PTPRN2: variants seen among roughly 807,000 people sequenced by gnomAD.
PTPRN2 encodes receptor-type tyrosine-protein phosphatase N2.
A neutral mutation model predicts 118.8 loss-of-function variants in PTPRN2; 74 were observed. The observed-to-expected ratio is 0.62, with a 90% CI of 0.52 to 0.76. The LOEUF (loss-of-function observed/expected upper bound fraction) is 0.76. Ranked by LOEUF, PTPRN2 falls within the 30% of genes least tolerant of loss-of-function variation. The pLI, the probability that PTPRN2 is intolerant of heterozygous loss-of-function variation, is 0.00. For synonymous variants in PTPRN2, 641 were observed against 608.0 expected, an observed-to-expected ratio of 1.05 and a Z score of -0.80; for missense variants, 1,481 against 1,394.4, an observed-to-expected ratio of 1.06 and a Z score of -0.99.
intron 10 of PTPRN2, among the ~76,000 whole-genome samples, chr7:158,105,441 G>A (rs1815606645): frequency 6.7e-6 from 1 of 148,392 alleles, no homozygotes; most frequent in African/African-American, 2.5e-5. Context: ...ACTCCACTGA[G>A]CTCCATCAAA....
intron 11 of PTPRN2, chr7:158,029,633 C>T (rs1175273230): frequency 6.6e-6 from 1 of 152,358 alleles, no homozygotes; most frequent in Non-Finnish European, 1.5e-5. Context: ...GGGCTGGAGG[C>T]TCCTGTCCTG....
intron 2 of PTPRN2, among the ~76,000 whole-genome samples, chr7:158,400,147 T>A (rs1045654010): frequency 6.6e-6 from 1 of 151,958 alleles, no homozygotes; most frequent in Admixed American, 6.6e-5. Flanking sequence ...TCTTTAGAGG[T>A]TTTAATGAGG....
At chr7:158,391,628 C>T (rs1295480564) in intron 2 of PTPRN2, among the ~76,000 whole-genome samples, 2 of 152,182 alleles carry the variant, frequency 1.3e-5, no homozygotes, top group Non-Finnish European at 2.9e-5. Context: ...CTGCACATGC[C>T]CCTTGAGATG....
intron 12 of PTPRN2, among the ~76,000 whole-genome samples, chr7:157,783,880 A>G (rs1022425856): frequency 6.6e-6 from 1 of 152,108 alleles, no homozygotes; most frequent in Non-Finnish European, 1.5e-5. Context: ...TCAAGAAGAA[A>G]AGTGAAACCA....
intron 9 of PTPRN2, among the ~76,000 whole-genome samples, chr7:158,129,107 C>A (rs970097179): frequency 2.0e-5 from 3 of 151,540 alleles, no homozygotes; most frequent in African/African-American, 7.3e-5. Context: ...ACACACCACA[C>A]ACAACACATA....
At chr7:158,136,058 C>T (rs1480411812) in intron 8 of PTPRN2, among the ~76,000 whole-genome samples, 3 of 152,236 alleles carry the variant, frequency 2.0e-5, no homozygotes, top group African/African-American at 7.2e-5. Context: ...CTTCTGACTG[C>T]CTCCGGAGCA....
At chr7:158,324,820 C>A (rs1200817941) in intron 2 of PTPRN2, among the ~76,000 whole-genome samples, 1 of 152,038 alleles carries the variant, frequency 6.6e-6, no homozygotes, top group African/African-American at 2.4e-5. Flanking sequence ...AGCTGTGGAC[C>A]GAACAAGGTG....
intron 14 of PTPRN2, among the ~76,000 whole-genome samples, chr7:157,650,221 G>A (rs1387487544): frequency 1.3e-5 from 2 of 152,272 alleles, no homozygotes; most frequent in South Asian, 2.1e-4. Flanking sequence ...CCTGTGTGGC[G>A]TGAAGGCTTC....
rs146989696 is a variant in PTPRN2 at position 157,619,213 on chromosome 7, G to T, written c.2344+2149C>A. On this transcript the variant is annotated intron_variant, in intron 15 of 22. Coordinates refer to ENST00000389418, the MANE Select transcript of PTPRN2 (RefSeq NM_002847.5). This position sits in a 1 kb window ranked among gnomAD's most constrained non-coding sequence, Gnocchi z 5.3. ...CCCATCGGCAGGTCGTTTCTGCCACGCTCCGGGCTGTCTTTGGGGAGGGCG... is the reference window on the plus strand; with the variant it reads ...CCCATCGGCAGGTCGTTTCTGCCACTCTCCGGGCTGTCTTTGGGGAGGGCG... Among the ~76,000 whole-genome samples, 51 of 152,248 alleles carry T rather than the reference G, an allele frequency of 3.3e-4. No individual in the cohort carries two copies. In the East Asian group the frequency reaches 7.0e-3, roughly 21 times the overall value.
At position 158,321,662 on chromosome 7, in the gene PTPRN2, G is replaced by C. The variant is rs1803025858; in HGVS notation, c.164-4730C>G. Among the ~76,000 whole-genome samples the C allele has an allele frequency of 4.6e-5, 7 of 152,282 alleles. No homozygotes were observed. The South Asian group carries it at 1.4e-3, about 32-fold the overall frequency. On this transcript the variant is annotated intron_variant, in intron 2 of 22. Coordinates refer to ENST00000389418, the MANE Select transcript of PTPRN2 (RefSeq NM_002847.5). ...ACCTTAATTCCAAGTCTCACTGCTG[G>C]CAACTGAGTTCAAATTGGGGGCTGT...
At chr7:158,276,486 G>T in intron 3 of PTPRN2, among the ~76,000 whole-genome samples, 1 of 143,144 alleles carries the variant, frequency 7.0e-6, no homozygotes, top group Non-Finnish European at 1.5e-5. Flanking sequence ...CCACACCCCG[G>T]CCCCGACAGG....
At chr7:157,995,596 T>G (rs1268016324) in intron 11 of PTPRN2, among the ~76,000 whole-genome samples, 3 of 152,160 alleles carry the variant, frequency 2.0e-5, no homozygotes, top group Non-Finnish European at 4.4e-5. Context: ...AGTCTTAGAG[T>G]AGGATGGGGC....
chr7:158,120,295 C>T (rs1026519047), intron 9 of PTPRN2, among the ~76,000 whole-genome samples: 15 of 152,114 alleles, frequency 9.9e-5, no homozygotes, highest in South Asian at 2.1e-4. Flanking sequence ...CAAATGTTAA[C>T]GCTACTGAAT....
rs192335835 is a variant in PTPRN2, at chr7:158,157,968, C to T, written c.910+8963G>A. Among the ~76,000 whole-genome samples the T allele has an allele frequency of 1.4e-3, 212 of 152,224 alleles. 1 individual carries two copies. The highest frequency in any genetic ancestry group is 2.5e-3 in the Non-Finnish European group (171 of 68,018). ...TGAACTCCAGCCAGGGGCATGGATCCGAGATTAACAATTTATCAGTGGCTT... is the reference window on the plus strand; with the variant it reads ...TGAACTCCAGCCAGGGGCATGGATCTGAGATTAACAATTTATCAGTGGCTT... On this transcript the variant is annotated intron_variant, in intron 6 of 22. Transcript: ENST00000389418.
intron 3 of PTPRN2, among the ~76,000 whole-genome samples, chr7:158,305,797 A>G (rs1801242828): frequency 6.6e-6 from 1 of 151,964 alleles, no homozygotes; most frequent in Admixed American, 6.6e-5. Context: ...TTACTCAAAA[A>G]AAAAAAAAAA....
intron 2 of PTPRN2, among the ~76,000 whole-genome samples, chr7:158,328,578 C>T (rs1000434315): frequency 3.3e-5 from 5 of 152,304 alleles, no homozygotes; most frequent in South Asian, 4.1e-4. Flanking sequence ...GCACCCACAG[C>T]GGGAGCCTCA....
chr7:158,389,638 C>T (rs1183050867), intron 2 of PTPRN2, among the ~76,000 whole-genome samples: 2 of 152,244 alleles, frequency 1.3e-5, no homozygotes, highest in African/African-American at 2.4e-5. Flanking sequence ...CGGCTGCCGC[C>T]GTCACAAATG....
At chr7:157,540,882 C>G (rs1383605106) in intron 22 of PTPRN2, 97 bp from the exon 23 acceptor site, 7 of 966,278 alleles carry the variant, frequency 7.2e-6, no homozygotes, top group East Asian at 5.4e-5. Flanking sequence ...GGCGTCCCCC[C>G]TTCCCAACGC....
intron 3 of PTPRN2, among the ~76,000 whole-genome samples, chr7:158,302,431 G>T (rs564541027): frequency 1.8e-4 from 28 of 152,338 alleles, no homozygotes; most frequent in African/African-American, 5.5e-4. Context: ...CACCTCACAG[G>T]ATCAGCTCGG....
Sources: gnomAD v4.1 joint callset for allele counts (sites outside exome capture counted in the v4.1 genomes callset) on GRCh38, gnomAD v4.1.1 for gene constraint, Gnocchi (gnomAD v3.1) non-coding constraint, MANE v1.5 for transcripts, NCBI Gene and HGNC (gene_info 2026-07-23, HGNC 2026-07-21) for gene names.